Variants in GCNT4 observed in about 807,000 individuals in gnomAD.
GCNT4 encodes the protein beta-1,3-galactosyl-O-glycosyl-glycoprotein beta-1,6-N-acetylglucosaminyltransferase 4.
Under a neutral mutation model 31.3 loss-of-function variants are expected in GCNT4, and 17 were observed. The ratio of observed to expected loss-of-function variants is 0.54; its 90% CI spans 0.37 to 0.81. The LOEUF (loss-of-function observed/expected upper bound fraction) is 0.81, where lower values mean the gene tolerates loss of function less well. Ranked by LOEUF, GCNT4 falls within the 40% of genes least tolerant of loss-of-function variation. The pLI, the probability that GCNT4 is intolerant of heterozygous loss-of-function variation, is 0.00. For missense variants in GCNT4, 503 were observed against 525.5 expected, an observed-to-expected ratio of 0.96 and a Z score of 0.42; for synonymous variants, 158 against 190.6, an observed-to-expected ratio of 0.83 and a Z score of 1.41.
chr5:75,024,721 T>C (rs1020347684), downstream of GCNT4, among the ~76,000 whole-genome samples: 3 of 151,860 alleles, frequency 2.0e-5, no homozygotes, highest in Admixed American at 6.6e-5. Flanking sequence ...TCCCAGCACT[T>C]TGGGAGGATC....
At chr5:75,018,314 C>T in the GCNT4 span, among the ~76,000 whole-genome samples, 5 of 152,126 alleles carry the variant, frequency 3.3e-5, no homozygotes, top group Non-Finnish European at 7.3e-5. Context: ...TGGAGTCTCA[C>T]TCTGTTGCCC....
At chr5:75,037,651 C>T (rs935698188) in intron 3 of GCNT4, among the ~76,000 whole-genome samples, 5 of 151,926 alleles carry the variant, frequency 3.3e-5, no homozygotes, top group African/African-American at 7.3e-5. Flanking sequence ...GGCCTGAGTG[C>T]AGATCACCTG....
the GCNT4 span, among the ~76,000 whole-genome samples, chr5:75,018,116 C>A: frequency 2.0e-5 from 3 of 152,148 alleles, no homozygotes; most frequent in Non-Finnish European, 2.9e-5. Context: ...CCAAGATGAT[C>A]CTCCTATCTC....
chr5:75,049,631 T>G (rs1489589730), intron 2 of GCNT4, among the ~76,000 whole-genome samples: 1 of 152,236 alleles, frequency 6.6e-6, no homozygotes, highest in African/African-American at 2.4e-5. Context: ...ATCTCTAAAT[T>G]GCTTGAGAAA....
At chr5:75,037,052 A>G (rs1456198153) in intron 3 of GCNT4, among the ~76,000 whole-genome samples, 1 of 152,210 alleles carries the variant, frequency 6.6e-6, no homozygotes, top group African/African-American at 2.4e-5. Flanking sequence ...TGATTTAGAA[A>G]TGTCAGGGCT....
chr5:75,051,201 C>A lies in GCNT4; in HGVS notation c.-143+968G>T, dbSNP rs1243984622. 2.0e-5 allele frequency among the ~76,000 whole-genome samples: 3 copies of A among 152,166 alleles called. No individual in the cohort carries two copies. In the East Asian group the frequency reaches 5.8e-4, roughly 29 times the overall value. On this transcript the variant is annotated intron_variant, in intron 2 of 3. Transcript: ENST00000652361. ...CCATGGCTGCTTAGTTTACACAGCT[C>A]CCACTCATCCTTGAGCCCACCTTCA...
rs1743595202 is a variant in GCNT4 at position 75,052,435 on chromosome 5, C to T, written c.-208G>A. ...ACCCACTCGCCCCGTTTACCTAGCACCGTTTCCTACGTGAAGACTGCAAAT... is the reference window on the plus strand; with the variant it reads ...ACCCACTCGCCCCGTTTACCTAGCATCGTTTCCTACGTGAAGACTGCAAAT... On this transcript the variant is annotated 5_prime_UTR_variant, in exon 1 of 4. It adds an upstream start codon to the 5' untranslated region. Transcript: ENST00000652361. 1.3e-5 allele frequency: 2 copies of T among 152,192 alleles called. No homozygotes were observed. Among genetic ancestry groups the T allele is most frequent in the Non-Finnish European group, 2.9e-5 (2 of 68,046 alleles). 9.4% of individuals were successfully genotyped at this position (152,192 alleles called of 1,614,324 possible).
intron 3 of GCNT4, among the ~76,000 whole-genome samples, chr5:75,036,857 G>A (rs189308372): frequency 6.5e-4 from 99 of 152,310 alleles, no homozygotes; most frequent in African/African-American, 2.2e-3. Flanking sequence ...AATGACTATC[G>A]ATTCATTTGT....
intron 3 of GCNT4, among the ~76,000 whole-genome samples, chr5:75,036,849 T>C (rs778808726): frequency 1.3e-5 from 2 of 152,236 alleles, no homozygotes; most frequent in Non-Finnish European, 2.9e-5. Flanking sequence ...CTGTCACCAA[T>C]GACTATCGAT....
downstream of GCNT4, among the ~76,000 whole-genome samples, chr5:75,024,439 C>G (rs925943978): frequency 4.6e-5 from 7 of 152,122 alleles, no homozygotes; most frequent in African/African-American, 1.7e-4. Context: ...ATATGCAAAC[C>G]CCTGGCATAT....
chr5:75,026,929 G>A lies in GCNT4; in HGVS notation c.*1747C>T, dbSNP rs1580234035. On this transcript the variant is annotated 3_prime_UTR_variant, in exon 4 of 4. Transcript: ENST00000652361. ...GAAAAATGAGTTCAAGAGAAGAAAG[G>A]GAGCGAGAAGTGGTGTCAGTTGGCA... 1 of 152,070 alleles carries A rather than the reference G, an allele frequency of 6.6e-6. No individual in the cohort carries two copies. The highest frequency in any genetic ancestry group is 2.4e-5 in the African/African-American group (1 of 41,422). The allele number at this position is 152,070 out of a possible 1,614,324, so 9.4% of individuals were successfully genotyped here.
At chr5:75,051,057 C>G (rs1328455804) in intron 2 of GCNT4, among the ~76,000 whole-genome samples, 1 of 152,242 alleles carries the variant, frequency 6.6e-6, no homozygotes, top group Non-Finnish European at 1.5e-5. Context: ...TCTCCATCCT[C>G]CCCTCAGGTC....
At chr5:75,035,998 T>C (rs750699722) in intron 3 of GCNT4, among the ~76,000 whole-genome samples, 1 of 152,204 alleles carries the variant, frequency 6.6e-6, no homozygotes, top group African/African-American at 2.4e-5. Context: ...CCTCAGTATA[T>C]GCAGAGGATT....
the GCNT4 span, among the ~76,000 whole-genome samples, chr5:75,019,567 C>T: frequency 2.6e-5 from 4 of 152,224 alleles, no homozygotes; most frequent in Admixed American, 1.3e-4. Context: ...TAGCTGGTGA[C>T]CTCAGCCATA....
rs1366013367 is a variant in GCNT4 at position 75,026,117 on chromosome 5, C to T, written c.*2559G>A. Reference sequence around the variant, plus strand: ...GAAATGTGTGAATGTCTCGAAGGCACTTTCTCCGCTTCATCCTTCCATGTT... The same window carrying T: ...GAAATGTGTGAATGTCTCGAAGGCATTTTCTCCGCTTCATCCTTCCATGTT... On this transcript the variant is annotated 3_prime_UTR_variant, in exon 4 of 4. Transcript: ENST00000652361. 6.6e-6 allele frequency: 1 copy of T among 152,170 alleles called. No individual in the cohort carries two copies. Among genetic ancestry groups the T allele is most frequent in the African/African-American group, 2.4e-5 (1 of 41,436 alleles). 9.4% of individuals were successfully genotyped at this position (152,170 alleles called of 1,614,324 possible).
rs1444752051 is a variant in GCNT4 at position 75,026,579 on chromosome 5, G to C, written c.*2097C>G. The C allele has an allele frequency of 2.2e-5, 3 of 134,932 alleles. No individual in the cohort carries two copies. Among genetic ancestry groups the C allele is most frequent in the African/African-American group, 8.5e-5 (3 of 35,496 alleles). 8.4% of individuals were successfully genotyped at this position (134,932 alleles called of 1,614,324 possible). ...TATACTACTACAGGTATCACTCTCT[G>C]ACATTGAAATGTCAATAGTTTGTAC... On this transcript the variant is annotated 3_prime_UTR_variant, in exon 4 of 4. Transcript: ENST00000652361.
chr5:75,031,592 T>C (rs1293369788), intron 3 of GCNT4, among the ~76,000 whole-genome samples: 1 of 152,206 alleles, frequency 6.6e-6, no homozygotes, highest in Admixed American at 6.5e-5. Context: ...GGATATTGTA[T>C]ACACACAACA....
chr5:75,027,143 G>T lies in GCNT4; in HGVS notation c.*1533C>A, dbSNP rs905798463. The T allele has an allele frequency of 3.3e-5, 5 of 150,566 alleles. No individual in the cohort carries two copies. Among genetic ancestry groups the T allele is most frequent in the Admixed American group, 6.7e-5 (1 of 15,032 alleles). The allele number at this position is 150,566 out of a possible 1,614,324, so 9.3% of individuals were successfully genotyped here. Reference sequence around the variant, plus strand: ...TGCCATTGAGACATATCATGACCAAGAAATTTTTACATGAGTTCTACAATT... The same window carrying T: ...TGCCATTGAGACATATCATGACCAATAAATTTTTACATGAGTTCTACAATT... On this transcript the variant is annotated 3_prime_UTR_variant, in exon 4 of 4. Transcript: ENST00000652361.
intron 2 of GCNT4, among the ~76,000 whole-genome samples, chr5:75,051,052 A>G (rs1743559063): frequency 6.6e-6 from 1 of 151,994 alleles, no homozygotes. Context: ...GCCATTCTCC[A>G]TCCTCCCCTC....
Sources: allele counts gnomAD v4.1 joint callset (sites outside exome capture counted in the v4.1 genomes callset), GRCh38; gene constraint gnomAD v4.1.1; transcripts MANE v1.5; gene names NCBI Gene and HGNC (gene_info 2026-07-23, HGNC 2026-07-21).